CATSPER2: variants seen among roughly 807,000 people sequenced by gnomAD.
CATSPER2 encodes cation channel sperm associated 2.
In CATSPER2, 56 loss-of-function variants were observed where a neutral mutation model predicts 68.8. The ratio of observed to expected loss-of-function variants is 0.81; its 90% CI spans 0.66 to 1.02. CATSPER2 has a LOEUF of 1.02. CATSPER2 is among the 50% of genes least tolerant of loss of function. CATSPER2 has a pLI of 0.00. For missense variants in CATSPER2, 582 were observed against 642.0 expected, an observed-to-expected ratio of 0.91 and a Z score of 1.01; for synonymous variants, 198 against 229.9, an observed-to-expected ratio of 0.86 and a Z score of 1.26.
At chr15:43,634,676 G>C (rs528969715) in intron 10 of CATSPER2, 1 of 153,148 alleles carries the variant, frequency 6.5e-6, no homozygotes, top group South Asian at 2.1e-4. Flanking sequence ...ACCTCATCTA[G>C]CCAGTAATTA....
intron 1 of CATSPER2, among the ~76,000 whole-genome samples, chr15:43,648,367 A>C (rs544170889): frequency 6.6e-6 from 1 of 152,160 alleles, no homozygotes; most frequent in South Asian, 2.1e-4. Flanking sequence ...AAAACACCGC[A>C]AGAAAAAGGA....
At chr15:43,644,897 G>C (rs1442904189) in intron 4 of CATSPER2, among the ~76,000 whole-genome samples, 1 of 151,926 alleles carries the variant, frequency 6.6e-6, no homozygotes, top group Non-Finnish European at 1.5e-5. Flanking sequence ...CAAATACATG[G>C]CAGCAATCAT....
At chr15:43,634,789 T>G (rs1412218441) in intron 10 of CATSPER2, 1 of 158,692 alleles carries the variant, frequency 6.3e-6, no homozygotes, top group African/African-American at 2.4e-5. Context: ...GGTATTTGTA[T>G]TAGTGTCCTG....
chr15:43,644,421 T>C (rs562375322), intron 4 of CATSPER2, among the ~76,000 whole-genome samples: 3 of 152,100 alleles, frequency 2.0e-5, no homozygotes, highest in Admixed American at 6.5e-5. Context: ...CCATGTTTCA[T>C]ATTCAGTTAA....
At chr15:43,636,454 G>A (rs2085966194) in intron 7 of CATSPER2, among the ~76,000 whole-genome samples, 1 of 151,590 alleles carries the variant, frequency 6.6e-6, no homozygotes, top group Non-Finnish European at 1.5e-5. Flanking sequence ...GCAGTGGCGC[G>A]ATCTAGGCTC....
chr15:43,637,547 G>A (rs1312932278), intron 7 of CATSPER2: 1 of 151,864 alleles, frequency 6.6e-6, no homozygotes, highest in African/African-American at 2.4e-5. Flanking sequence ...TGACAAGATT[G>A]AATTCTAATT....
intron 7 of CATSPER2, among the ~76,000 whole-genome samples, chr15:43,637,907 C>T (rs1374880495): frequency 6.6e-6 from 1 of 151,736 alleles, no homozygotes; most frequent in Non-Finnish European, 1.5e-5. Flanking sequence ...ACATTTAACC[C>T]CACACTCTTA....
At chr15:43,641,122 G>GT (rs199572819) in intron 4 of CATSPER2, among the ~76,000 whole-genome samples, 32,323 of 143,960 alleles carry the variant, frequency 0.22, 5,698 homozygotes, top group African/African-American at 0.48. Context: ...TTTGTTTTTT[G>GT]TTTTTTTTTT....
At chr15:43,643,955 C>G (rs1426687545) in intron 4 of CATSPER2, among the ~76,000 whole-genome samples, 1 of 151,864 alleles carries the variant, frequency 6.6e-6, no homozygotes, top group East Asian at 1.9e-4. Flanking sequence ...CTCAAGTGAT[C>G]CTGCCACCTC....
intron 4 of CATSPER2, among the ~76,000 whole-genome samples, chr15:43,645,114 C>T (rs571912104): frequency 6.6e-6 from 1 of 151,774 alleles, no homozygotes; most frequent in African/African-American, 2.4e-5. Context: ...GCTGGAGTTC[C>T]GTTGCATGAT....
intron 4 of CATSPER2, among the ~76,000 whole-genome samples, chr15:43,641,265 C>T (rs1382492636): frequency 6.6e-6 from 1 of 151,570 alleles, no homozygotes; most frequent in Non-Finnish European, 1.5e-5. Flanking sequence ...TACAGGCATG[C>T]ACCACCACAC....
At chr15:43,636,872 C>G (rs2470120) in intron 7 of CATSPER2, among the ~76,000 whole-genome samples, 57,589 of 149,976 alleles carry the variant, frequency 0.38, 13,938 homozygotes, top group African/African-American at 0.67. Flanking sequence ...CTATCATCCA[C>G]GCTGGAGTTG....
chr15:43,632,908 T>A lies in CATSPER2; in HGVS notation c.1205A>T (p.Glu402Val). ...AGACACTTCTGATAAGTCCAAACTT[T>A]CCCTTTGTTGACTAGCTCCTCTTGA... ...DSSRGASQQRESLDLSEVSEV... is the reference protein window; with the variant it reads ...DSSRGASQQRVSLDLSEVSEV... The change falls in exon 11 of 13, where the codon GAA becomes GTA. Residue 402 changes from glutamate (E) to valine (V), a missense_variant. Physicochemically the swap from Glu to Val is moderately radical, Grantham distance 121. Around this residue, in one of 5 missense-constraint regions of CATSPER2, gnomAD observed 235 missense variants for 264.2 expected, o/e 0.89. Coordinates refer to ENST00000396879, the MANE Select transcript of CATSPER2 (RefSeq NM_172095.4). The A allele has an allele frequency of 6.2e-7, 1 of 1,606,646 alleles. No homozygotes were observed. Among genetic ancestry groups the A allele is most frequent in the Non-Finnish European group, 8.5e-7 (1 of 1,173,922 alleles).
chr15:43,635,682 A>C (rs2085950399), intron 9 of CATSPER2, 45 bp downstream of exon 9: 2 of 1,553,354 alleles, frequency 1.3e-6, no homozygotes, highest in Non-Finnish European at 1.8e-6. Context: ...TGAGCTCAGG[A>C]AACCCTTGAG....
At chr15:43,641,332 C>T (rs1189154988) in intron 4 of CATSPER2, among the ~76,000 whole-genome samples, 3 of 151,688 alleles carry the variant, frequency 2.0e-5, no homozygotes, top group Non-Finnish European at 4.4e-5. Context: ...AGGCTGGTCT[C>T]AAACTCCTGA....
At chr15:43,634,595 A>G (rs1325979771) in intron 10 of CATSPER2, 1 of 152,264 alleles carries the variant, frequency 6.6e-6, no homozygotes, top group African/African-American at 2.4e-5. Flanking sequence ...GCAGTCTTGA[A>G]CTTCTGGCTT....
rs767315535 is a variant in CATSPER2 at position 43,639,044 on chromosome 15, C to T, written c.718-16G>A. The T allele has an allele frequency of 6.2e-7, 1 of 1,611,190 alleles. No homozygotes were observed. Among genetic ancestry groups the T allele is most frequent in the African/African-American group, 1.3e-5 (1 of 74,840 alleles). ...AGGTCATGCTCTAGAGGCCATAACT[C>T]TCATGTCAGATGTGGGCCAAACTAG... On this transcript the variant is annotated splice_polypyrimidine_tract_variant and intron_variant, in intron 6 of 12. Coordinates refer to ENST00000396879, the MANE Select transcript of CATSPER2 (RefSeq NM_172095.4).
intron 4 of CATSPER2, among the ~76,000 whole-genome samples, chr15:43,644,669 A>G (rs753402467): frequency 6.6e-6 from 1 of 151,878 alleles, no homozygotes; most frequent in Admixed American, 6.6e-5. Context: ...TGTGAACTGC[A>G]TGTGCGTGAC....
At chr15:43,636,627 G>A (rs1364572414) in intron 7 of CATSPER2, among the ~76,000 whole-genome samples, 1 of 151,636 alleles carries the variant, frequency 6.6e-6, no homozygotes, top group Non-Finnish European at 1.5e-5. Context: ...CTGACCTAAG[G>A]TGATCTGCCA....
Sources: allele counts gnomAD v4.1 joint callset (sites outside exome capture counted in the v4.1 genomes callset), GRCh38; gene constraint gnomAD v4.1.1; regional missense constraint gnomAD v4.1.1; transcripts MANE v1.5; gene names NCBI Gene and HGNC (gene_info 2026-07-23, HGNC 2026-07-21).